TSPAN10: variants seen among roughly 807,000 people sequenced by gnomAD.
The protein encoded by TSPAN10 is tetraspanin-10.
Under a neutral mutation model 15.0 loss-of-function variants are expected in TSPAN10, and 11 were observed. That is an observed-to-expected ratio of 0.73 (90% CI 0.46 to 1.21). The LOEUF is 1.21. Among genes scored for constraint, TSPAN10 ranks in the 50% most tolerant of loss-of-function variants. The pLI, the probability that TSPAN10 is intolerant of heterozygous loss-of-function variation, is 0.00. For synonymous variants in TSPAN10, 241 were observed against 226.2 expected (o/e 1.07, Z -0.59); for missense variants, 486 against 470.6 (o/e 1.03, Z -0.30).
At chr17:81,641,989 G>A (rs2036182463), upstream of TSPAN10, among the ~76,000 whole-genome samples, 1 of 152,180 alleles carries the variant, frequency 6.6e-6, no homozygotes. Flanking sequence ...TTGGGATTGG[G>A]GTTGTGAACC....
At chr17:81,648,052 C>A in exon 3 of TSPAN10, 2 of 1,581,308 alleles carry the variant, frequency 1.3e-6, no homozygotes, top group Non-Finnish European at 1.7e-6. Context: ...AGTGGTGTAC[C>A]TGGAGGGCTG....
chr17:81,645,045 C>T, exon 2 of TSPAN10: 1 of 1,594,614 alleles, frequency 6.3e-7, no homozygotes, highest in Non-Finnish European at 8.6e-7. Context: ...CCTCAGGCTG[C>T]CTAGGTCCAG....
rs1309524980 is a variant in TSPAN10, at chr17:81,645,405, AC to A, written c.451del (p.Arg151ValfsTer60). 6.2e-7 allele frequency: 1 copy of A among 1,603,860 alleles called. No homozygotes were observed. Among genetic ancestry groups the A allele is most frequent in the Non-Finnish European group, 8.5e-7 (1 of 1,177,094 alleles). Reference sequence around the variant, plus strand: ...CCCTCTGTGAGAACACCTGCCTGTTACGTGGCTTCTCTGGGGGCATCCTTGC... The same window carrying A: ...CCCTCTGTGAGAACACCTGCCTGTTAGTGGCTTCTCTGGGGGCATCCTTGC... On this transcript the variant is annotated frameshift_variant, in exon 2 of 3. Coordinates refer to ENST00000611590, the Ensembl canonical transcript of TSPAN10. LOFTEE classifies it high-confidence loss of function.
chr17:81,642,231 A>T, upstream of TSPAN10: 1 of 584,620 alleles, frequency 1.7e-6, no homozygotes, highest in Non-Finnish European at 3.1e-6. Context: ...TCTTCACATG[A>T]CTCAACTGTG....
chr17:81,647,963 AC>A lies in TSPAN10; in HGVS notation c.742del (p.Arg248AlafsTer?), dbSNP rs1282404068. 6.2e-7 allele frequency: 1 copy of A among 1,610,226 alleles called. No homozygotes were observed. The highest frequency in any genetic ancestry group is 8.5e-7 in the Non-Finnish European group (1 of 1,179,142). ...AGCCTTCCCGCCTCCTGCTGCATCGACCCCCGCGAAGATGGAGCCTCTGTCA... is the reference window on the plus strand; with the variant it reads ...AGCCTTCCCGCCTCCTGCTGCATCGACCCCGCGAAGATGGAGCCTCTGTCA... On this transcript the variant is annotated frameshift_variant, in exon 3 of 3. Coordinates refer to ENST00000611590, the Ensembl canonical transcript of TSPAN10. LOFTEE classifies it low-confidence loss of function (END_TRUNC).
intron 2 of TSPAN10, 161 bp downstream of exon 3, chr17:81,645,790 C>G: frequency 1.1e-6 from 1 of 940,582 alleles, no homozygotes; most frequent in Non-Finnish European, 1.6e-6. Context: ...CACACTGGCA[C>G]GTCTCGTGCT....
chr17:81,644,165 T>C (rs1469555368), intron 1 of TSPAN10, among the ~76,000 whole-genome samples: 1 of 152,046 alleles, frequency 6.6e-6, no homozygotes, highest in East Asian at 1.9e-4. Flanking sequence ...TAGCTTCTTA[T>C]TCTCCTTTTT....
upstream of TSPAN10, among the ~76,000 whole-genome samples, chr17:81,639,645 C>A (rs1201076272): frequency 6.6e-6 from 1 of 151,622 alleles, no homozygotes; most frequent in Admixed American, 6.6e-5. Flanking sequence ...CGCCTGTCAT[C>A]CCAGCGCGGT....
At chr17:81,646,104 T>C in intron 2 of TSPAN10, 1 of 238,852 alleles carries the variant, frequency 4.2e-6, no homozygotes, top group Non-Finnish European at 8.1e-6. Flanking sequence ...TAGAAAGTCA[T>C]TTTTCTGCTG....
At chr17:81,648,276 C>G in exon 3 of TSPAN10, 1 of 1,213,220 alleles carries the variant, frequency 8.2e-7, no homozygotes, top group Non-Finnish European at 1.0e-6. Context: ...CGCCCGCTGC[C>G]AAGCCCGCCC....
Position 81,644,922 on chromosome 17 carries a change from C to T in TSPAN10, c.37-70C>T, listed in dbSNP as rs1157647830. 17 of 1,589,304 alleles carry T rather than the reference C, an allele frequency of 1.1e-5. No homozygotes were observed. In the Admixed American group the frequency reaches 2.1e-4, roughly 19 times the overall value. On this transcript the variant is annotated intron_variant, in intron 1 of 2. Transcript: ENST00000611590. ...CGAAGGCTCTGCCACCATGCTCTTC[C>T]CTGACCCCTCACCAGTTGTCACAGA...
intron 2 of TSPAN10, chr17:81,646,585 C>G (rs1275098917): frequency 8.0e-5 from 12 of 149,934 alleles, no homozygotes; most frequent in Admixed American, 3.4e-4. Context: ...GAGGCTGAGG[C>G]AGGAGAATGG....
upstream of TSPAN10, chr17:81,637,947 A>AAAG (rs1196270121): frequency 6.6e-6 from 1 of 151,996 alleles, no homozygotes; most frequent in African/African-American, 2.4e-5. Flanking sequence ...AAAAAAAAAA[A>AAAG]AAGACGTCAC....
Position 81,647,876 on chromosome 17 carries a change from A to C in TSPAN10, c.675-25A>C, listed in dbSNP as rs1234795950. ...AGAAGAGCGGGCCCTCCCCGCCAGA[A>C]CTGACGATTCCATGCGCCTTGCAGG... is the stretch of plus-strand genomic sequence containing the variant. On this transcript the variant is annotated intron_variant, in intron 2 of 2. Coordinates refer to ENST00000611590, the Ensembl canonical transcript of TSPAN10. 2.5e-6 allele frequency: 4 copies of C among 1,590,078 alleles called. No individual in the cohort carries two copies. In the South Asian group the frequency reaches 4.5e-5, roughly 18 times the overall value.
chr17:81,646,359 G>C (rs1397572002), intron 2 of TSPAN10: 1 of 151,918 alleles, frequency 6.6e-6, no homozygotes, highest in Non-Finnish European at 1.5e-5. Context: ...CTGCATTCCA[G>C]CATGGGCAAC....
At chr17:81,645,579 C>T (rs769123766) in exon 2 of TSPAN10, 11 of 1,612,512 alleles carry the variant, frequency 6.8e-6, no homozygotes, top group African/African-American at 2.7e-5. Context: ...AAGTCCAGCT[C>T]GGGCTGAGGT....
chr17:81,645,272 G>A (rs2036230774), exon 2 of TSPAN10: 1 of 1,532,964 alleles, frequency 6.5e-7, no homozygotes, highest in African/African-American at 1.4e-5. Flanking sequence ...GCTGTCAAGG[G>A]GTCTCTGGGA....
rs537646315 is a variant in TSPAN10 at position 81,642,574 on chromosome 17, G to C, written c.36+126G>C. The C allele has an allele frequency of 6.2e-6, 6 of 969,888 alleles. No individual in the cohort carries two copies. The South Asian group carries it at 9.9e-5, about 16-fold the overall frequency. The allele number at this position is 969,888 out of a possible 1,614,324, so 60.1% of individuals were successfully genotyped here. A position where few individuals can be genotyped will look rare whatever the true frequency, so the allele number is the denominator to read the frequency against. On this transcript the variant is annotated intron_variant, in intron 1 of 2. Transcript: ENST00000611590. The stretch of plus-strand genomic sequence containing the variant: ...TGGTGCCACCCCACACCTCAATGCT[G>C]AGATTGGGTTGAGGGGGGTGGTTCT...
In TSPAN10 at chr17:81,645,790, C is replaced by T. The variant is rs539830177; in HGVS notation, c.674+161C>T. 1.2e-4 allele frequency: 113 copies of T among 940,582 alleles called. No homozygotes were observed. The African/African-American group carries it at 1.6e-3, about 13-fold the overall frequency. 58.3% of individuals were successfully genotyped at this position (940,582 alleles called of 1,614,324 possible). ...ATGTACACGCATATCCACACTGGCACGTCTCGTGCTCACAGGTTTCACGTG... is the reference window on the plus strand; with the variant it reads ...ATGTACACGCATATCCACACTGGCATGTCTCGTGCTCACAGGTTTCACGTG... On this transcript the variant is annotated intron_variant, in intron 2 of 2. Transcript: ENST00000611590.
Sources: gnomAD v4.1 joint callset for allele counts (sites outside exome capture counted in the v4.1 genomes callset) on GRCh38, gnomAD v4.1.1 for gene constraint, MANE v1.5 for transcripts, NCBI Gene and HGNC (gene_info 2026-07-23, HGNC 2026-07-21) for gene names.